The following REV3L variants were observed in gnomAD, a reference collection of about 807,000 sequenced individuals.
The protein encoded by REV3L is DNA polymerase zeta catalytic subunit.
Under a neutral mutation model 299.4 loss-of-function variants are expected in REV3L, and 69 were observed. The ratio of observed to expected loss-of-function variants is 0.23; its 90% CI spans 0.19 to 0.28. REV3L has a LOEUF of 0.28. Among genes scored for constraint, REV3L ranks in the 10% least tolerant of loss-of-function variants. REV3L has a pLI of 1.00. For synonymous variants in REV3L, 1,238 were observed against 1,271.4 expected (o/e 0.97, Z 0.56); for missense variants, 3,128 against 3,693.8 (o/e 0.85, Z 3.97).
At chr6:111,449,218 C>A (rs940234990) in intron 1 of REV3L, among the ~76,000 whole-genome samples, 14 of 152,146 alleles carry the variant, frequency 9.2e-5, no homozygotes, top group Non-Finnish European at 1.8e-4. Flanking sequence ...GGACAGTAAT[C>A]CCTGAGAGAC....
intron 4 of REV3L, among the ~76,000 whole-genome samples, chr6:111,401,498 A>C (rs1440465212): frequency 6.6e-6 from 1 of 152,256 alleles, no homozygotes; most frequent in African/African-American, 2.4e-5. Context: ...GAAGATAAGA[A>C]AAACTGGCAT....
chr6:111,381,320 C>T lies in REV3L; in HGVS notation c.1216+5G>A. 1 of 1,613,010 alleles carries T rather than the reference C, an allele frequency of 6.2e-7. No homozygotes were observed. Among genetic ancestry groups the T allele is most frequent in the Non-Finnish European group, 8.5e-7 (1 of 1,179,682 alleles). On this transcript the variant is annotated splice_donor_5th_base_variant and intron_variant, in intron 10 of 31. Transcript: ENST00000368802. ...CTGAATATTTATGGTAGCACTGTTA[C>T]TTACTGAAAACAGGTGACTCACTCA...
At chr6:111,303,719 T>A (rs1191007521) in intron 31 of REV3L, among the ~76,000 whole-genome samples, 4 of 80,940 alleles carry the variant, frequency 4.9e-5, no homozygotes, top group Non-Finnish European at 1.1e-4. Context: ...TTTTTTTTTT[T>A]TTTTTTTTTT....
At chr6:111,409,864 T>C (rs1784063274) in intron 3 of REV3L, among the ~76,000 whole-genome samples, 4 of 152,184 alleles carry the variant, frequency 2.6e-5, no homozygotes, top group Non-Finnish European at 5.9e-5. Context: ...CGTTTTCATT[T>C]GGCAGACCAA....
chr6:111,310,794 G>C, intron 29 of REV3L: 1 of 333,296 alleles, frequency 3.0e-6, no homozygotes. Context: ...CAATATTAAG[G>C]ACTACCTAGT....
intron 1 of REV3L, among the ~76,000 whole-genome samples, chr6:111,479,392 A>C (rs1291467779): frequency 6.6e-6 from 1 of 152,216 alleles, no homozygotes; most frequent in African/African-American, 2.4e-5. Context: ...TTTTTTAAAA[A>C]ATTCCATAAC....
At chr6:111,310,128 C>T (rs1582449365) in intron 29 of REV3L, 29 bp from the exon 30 acceptor site, 1 of 1,491,324 alleles carries the variant, frequency 6.7e-7, no homozygotes, top group Non-Finnish European at 8.9e-7. Context: ...AAAAACCACA[C>T]CCAAATACTG....
chr6:111,382,157 T>C (rs1158351486), intron 9 of REV3L, among the ~76,000 whole-genome samples: 1 of 152,210 alleles, frequency 6.6e-6, no homozygotes, highest in Non-Finnish European at 1.5e-5. Context: ...TATTAGTCCA[T>C]GTGGCCATAT....
intron 1 of REV3L, among the ~76,000 whole-genome samples, chr6:111,458,124 A>C (rs2128322871): frequency 6.6e-6 from 1 of 152,254 alleles, no homozygotes; most frequent in Non-Finnish European, 1.5e-5. Flanking sequence ...CTGGGATGCA[A>C]GGTTGGTTCA....
At chr6:111,361,874 G>C (rs1429658874) in intron 16 of REV3L, among the ~76,000 whole-genome samples, 2 of 152,172 alleles carry the variant, frequency 1.3e-5, no homozygotes, top group Non-Finnish European at 2.9e-5. Context: ...AATGTGCCTT[G>C]AGATGAGGAA....
intron 3 of REV3L, among the ~76,000 whole-genome samples, chr6:111,409,698 T>C (rs1784043090): frequency 6.6e-6 from 1 of 152,078 alleles, no homozygotes; most frequent in Non-Finnish European, 1.5e-5. Flanking sequence ...TAGAAAAAAG[T>C]AGACATACAG....
intron 1 of REV3L, among the ~76,000 whole-genome samples, chr6:111,440,294 C>G (rs1359376862): frequency 6.6e-6 from 1 of 152,174 alleles, no homozygotes; most frequent in Non-Finnish European, 1.5e-5. Flanking sequence ...GTCTCAAACT[C>G]CCAACCTCAG....
chr6:111,446,672 G>C (rs1273669052), intron 1 of REV3L, among the ~76,000 whole-genome samples: 1 of 151,736 alleles, frequency 6.6e-6, no homozygotes, highest in Admixed American at 6.6e-5. Context: ...CTGCACTCCA[G>C]CATGAGCGAC....
At chr6:111,349,375 AAAC>A (rs1180982828) in intron 19 of REV3L, 39 bp from the exon 20 acceptor site, 2 of 960,264 alleles carry the variant, frequency 2.1e-6, no homozygotes. Context: ...GGCTCACAGA[AAAC>A]AAACTTTCAA....
In REV3L at chr6:111,303,678, TTTTTTTTTTTAACAGACTATGAC is replaced by T. The variant is rs1771902312; in HGVS notation, c.9253-3545_9253-3523del. 1.9e-4 allele frequency among the ~76,000 whole-genome samples: 17 copies of T among 87,930 alleles called. 4 individuals carry two copies. Among genetic ancestry groups the T allele is most frequent in the Non-Finnish European group, 3.4e-4 (11 of 31,946 alleles). 57.7% of individuals were successfully genotyped at this position (87,930 alleles called of 152,430 possible). A position where few individuals can be genotyped will look rare whatever the true frequency, so the allele number is the denominator to read the frequency against. On this transcript the variant is annotated intron_variant, in intron 31 of 31. Transcript: ENST00000368802. ...CATGATCCCCAGCCGAGGCTTTTTTTTTTTTTTTTTAACAGACTATGACTTTTTTTTTTTTTTTTTTTTTTTTT... is the reference window on the plus strand; with the variant it reads ...CATGATCCCCAGCCGAGGCTTTTTTTTTTTTTTTTTTTTTTTTTTTTTTTT...
intron 3 of REV3L, among the ~76,000 whole-genome samples, chr6:111,406,997 G>T (rs1255219738): frequency 6.6e-6 from 1 of 152,010 alleles, no homozygotes; most frequent in Non-Finnish European, 1.5e-5. Context: ...TCACACAAAA[G>T]ATAGAAGAGC....
intron 1 of REV3L, among the ~76,000 whole-genome samples, chr6:111,471,046 T>C (rs942096285): frequency 6.6e-6 from 1 of 152,150 alleles, no homozygotes; most frequent in Admixed American, 6.5e-5. Flanking sequence ...TAGGAATGTA[T>C]GTAGAAAATA....
Position 111,374,381 on chromosome 6 carries a change from T to C in REV3L, c.3974A>G (p.Asn1325Ser). 6.2e-7 allele frequency: 1 copy of C among 1,613,982 alleles called. No homozygotes were observed. The highest frequency in any genetic ancestry group is 8.5e-7 in the Non-Finnish European group (1 of 1,179,902). ...RDDLHPSVVC[N>S]SIGPGVSKIN... ...TTTTGAGACTCCAGGTCCTATAGAA[T>C]TACAAACAACTGATGGATGCAAATC... is the stretch of plus-strand genomic sequence containing the variant. Residue 1325 changes from asparagine to serine, a missense_variant, in exon 13 of 32, where the codon AAT becomes AGT. Physicochemically the swap from Asn to Ser is conservative, Grantham distance 46. Coordinates refer to ENST00000368802, the MANE Select transcript of REV3L (RefSeq NM_001372078.1).
chr6:111,415,820 CT>C (rs1186051503), intron 2 of REV3L, among the ~76,000 whole-genome samples: 2 of 152,060 alleles, frequency 1.3e-5, no homozygotes, highest in East Asian at 3.9e-4. Context: ...TCTTATCCTG[CT>C]TGTATAGATT....
Sources: allele counts gnomAD v4.1 joint callset (sites outside exome capture counted in the v4.1 genomes callset), GRCh38; gene constraint gnomAD v4.1.1; transcripts MANE v1.5; gene names NCBI Gene and HGNC (gene_info 2026-07-23, HGNC 2026-07-21).